RABGAP1L: variants seen among roughly 807,000 people sequenced by gnomAD.
RABGAP1L encodes the protein RAB GTPase activating protein 1 like, also known as rab GTPase-activating protein 1-like.
Under a neutral mutation model 137.7 loss-of-function variants are expected in RABGAP1L, and 63 were observed. That is an observed-to-expected ratio of 0.46 (90% confidence interval 0.37 to 0.56). RABGAP1L has a LOEUF of 0.56. RABGAP1L is among the 20% of genes least tolerant of loss of function. RABGAP1L has a pLI of 0.00. For synonymous variants in RABGAP1L, 431 were observed against 433.7 expected, an observed-to-expected ratio of 0.99 and a Z score of 0.08; for missense variants, 1,095 against 1,244.0, an observed-to-expected ratio of 0.88 and a Z score of 1.80.
intron 13 of RABGAP1L, among the ~76,000 whole-genome samples, chr1:174,526,122 G>C (rs1371356660): frequency 6.6e-6 from 1 of 152,094 alleles, no homozygotes; most frequent in Non-Finnish European, 1.5e-5. Flanking sequence ...GTTTTAATGG[G>C]ATTATTTGTT....
chr1:174,244,650 G>C (rs1672105565), intron 5 of RABGAP1L: 1 of 151,056 alleles, frequency 6.6e-6, no homozygotes, highest in Non-Finnish European at 1.5e-5. Context: ...TAAGGAGAAT[G>C]ATATGCTAGG....
At chr1:174,749,974 A>G (rs1259330964) in intron 17 of RABGAP1L, among the ~76,000 whole-genome samples, 1 of 151,922 alleles carries the variant, frequency 6.6e-6, no homozygotes, top group Non-Finnish European at 1.5e-5. Flanking sequence ...GGTTCACACC[A>G]TTCTCCTGCT....
At chr1:174,490,771 C>T (rs1228266229) in intron 13 of RABGAP1L, among the ~76,000 whole-genome samples, 1 of 152,080 alleles carries the variant, frequency 6.6e-6, no homozygotes, top group African/African-American at 2.4e-5. Context: ...TGTGCCTGAG[C>T]CTAAGCCACG....
chr1:174,186,234 T>C (rs1286676526), intron 1 of RABGAP1L, among the ~76,000 whole-genome samples: 2 of 152,126 alleles, frequency 1.3e-5, no homozygotes, highest in Admixed American at 1.3e-4. Context: ...GCGCTGATGC[T>C]CACACTTATT....
At chr1:174,940,856 C>T (rs977210343) in intron 19 of RABGAP1L, among the ~76,000 whole-genome samples, 2 of 152,194 alleles carry the variant, frequency 1.3e-5, no homozygotes, top group African/African-American at 2.4e-5. Flanking sequence ...TCTGTTAAGA[C>T]CATCTGCCTG....
At chr1:174,247,912 C>T (rs1381203436) in intron 5 of RABGAP1L, among the ~76,000 whole-genome samples, 1 of 150,858 alleles carries the variant, frequency 6.6e-6, no homozygotes, top group African/African-American at 2.4e-5. Context: ...GCCCTTGTTT[C>T]TTGCCTATTA....
chr1:174,763,520 G>A (rs1436266866), intron 18 of RABGAP1L, among the ~76,000 whole-genome samples: 5 of 150,948 alleles, frequency 3.3e-5, no homozygotes, highest in South Asian at 2.1e-4. Flanking sequence ...GCGTGGTAGC[G>A]GGCGCCTGTA....
At chr1:174,882,544 T>G (rs745685132) in intron 19 of RABGAP1L, among the ~76,000 whole-genome samples, 1 of 152,228 alleles carries the variant, frequency 6.6e-6, no homozygotes, top group African/African-American at 2.4e-5. Context: ...GTTTAAAGGC[T>G]TTAATTGTTT....
chr1:174,417,824 G>A (rs1006525214), intron 13 of RABGAP1L, among the ~76,000 whole-genome samples: 4 of 152,128 alleles, frequency 2.6e-5, no homozygotes, highest in South Asian at 4.1e-4. Context: ...TAAAAGCTGA[G>A]TTACCCAGCC....
At chr1:174,938,886 C>T (rs1403437542) in intron 19 of RABGAP1L, among the ~76,000 whole-genome samples, 1 of 152,146 alleles carries the variant, frequency 6.6e-6, no homozygotes, top group Non-Finnish European at 1.5e-5. Context: ...TCATGCCTCC[C>T]CACAGTTTCC....
At chr1:174,498,323 T>C (rs533874639) in intron 13 of RABGAP1L, among the ~76,000 whole-genome samples, 1 of 152,282 alleles carries the variant, frequency 6.6e-6, no homozygotes, top group Admixed American at 6.5e-5. Context: ...CACATATTGC[T>C]TAGGAATGCT....
chr1:174,697,946 AT>A (rs1679383788), intron 15 of RABGAP1L, among the ~76,000 whole-genome samples: 1 of 152,252 alleles, frequency 6.6e-6, no homozygotes, highest in Non-Finnish European at 1.5e-5. Context: ...TAATGTATTT[AT>A]TTAACTTCAG....
chr1:174,691,203 C>G (rs1332004432), intron 15 of RABGAP1L, among the ~76,000 whole-genome samples: 1 of 152,048 alleles, frequency 6.6e-6, no homozygotes, highest in Non-Finnish European at 1.5e-5. Flanking sequence ...TAGATCATTC[C>G]AAAAAGATGT....
intron 18 of RABGAP1L, among the ~76,000 whole-genome samples, chr1:174,763,388 C>T (rs1280993300): frequency 5.6e-5 from 8 of 143,068 alleles, no homozygotes; most frequent in Admixed American, 4.2e-4. Context: ...CGGTGGCTCA[C>T]GCCTGTAATC....
intron 13 of RABGAP1L, among the ~76,000 whole-genome samples, chr1:174,434,959 C>G (rs189233393): frequency 6.6e-6 from 1 of 152,236 alleles, no homozygotes; most frequent in Admixed American, 6.5e-5. Context: ...CTAAGCAGAA[C>G]ATTTATTTTA....
intron 1 of RABGAP1L, among the ~76,000 whole-genome samples, chr1:174,206,257 A>T (rs1216853586): frequency 1.8e-4 from 28 of 152,218 alleles, no homozygotes; most frequent in Admixed American, 1.8e-3. Context: ...CCATTAAAGT[A>T]ATGTGAATTA....
intron 12 of RABGAP1L, among the ~76,000 whole-genome samples, chr1:174,380,951 C>G (rs1471852975): frequency 3.7e-4 from 45 of 122,502 alleles, no homozygotes; most frequent in African/African-American, 4.9e-4. Context: ...CCTCTACACA[C>G]TGCTTTGAAT....
At chr1:174,807,161 T>G (rs572190648) in intron 18 of RABGAP1L, among the ~76,000 whole-genome samples, 1 of 152,324 alleles carries the variant, frequency 6.6e-6, no homozygotes, top group African/African-American at 2.4e-5. Flanking sequence ...AAGATATGTA[T>G]GTAATGATGG....
chr1:174,351,086 G>T (rs149732819), intron 11 of RABGAP1L, among the ~76,000 whole-genome samples: 4 of 127,960 alleles, frequency 3.1e-5, no homozygotes, highest in African/African-American at 1.3e-4. Flanking sequence ...GGGGGAGGGG[G>T]AGGGGGAGGG....
Sources: gnomAD v4.1 joint callset for allele counts (sites outside exome capture counted in the v4.1 genomes callset) on GRCh38, gnomAD v4.1.1 for gene constraint, MANE v1.5 for transcripts, NCBI Gene and HGNC (gene_info 2026-07-23, HGNC 2026-07-21) for gene names.